The following ARID1A variants were observed in gnomAD, a reference collection of about 807,000 sequenced individuals.
ARID1A encodes the protein AT-rich interaction domain 1A, also known as AT-rich interactive domain-containing protein 1A.
Under a neutral mutation model 212.6 loss-of-function variants are expected in ARID1A, and 20 were observed. The ratio of observed to expected loss-of-function variants is 0.09; its 90% CI spans 0.07 to 0.14. The LOEUF (loss-of-function observed/expected upper bound fraction) is 0.14, where lower values mean the gene tolerates loss of function less well. Among genes scored for constraint, ARID1A ranks in the 10% least tolerant of loss-of-function variants. ARID1A has a pLI of 1.00. For synonymous variants in ARID1A, 1,376 were observed against 1,222.1 expected (o/e 1.13, Z -2.63); for missense variants, 2,587 against 3,059.0 (o/e 0.85, Z 3.64).
At chr1:26,715,851 A>T (rs78533482) in intron 1 of ARID1A, among the ~76,000 whole-genome samples, 2 of 151,846 alleles carry the variant, frequency 1.3e-5, no homozygotes, top group Non-Finnish European at 2.9e-5. Flanking sequence ...AAAAAAAAAA[A>T]CATAAAATAG....
chr1:26,740,394 T>TGAAGTC (rs1222464851), intron 4 of ARID1A, among the ~76,000 whole-genome samples: 1 of 152,220 alleles, frequency 6.6e-6, no homozygotes, highest in Non-Finnish European at 1.5e-5. Flanking sequence ...ACTGATCCAT[T>TGAAGTC]TATGTCTCAA....
chr1:26,721,274 C>A (rs985561493), intron 1 of ARID1A, among the ~76,000 whole-genome samples: 1 of 152,064 alleles, frequency 6.6e-6, no homozygotes, highest in Non-Finnish European at 1.5e-5. Flanking sequence ...TGCAGTGGTG[C>A]GATCTCGGCT....
At chr1:26,712,922 T>G (rs2124766037) in intron 1 of ARID1A, among the ~76,000 whole-genome samples, 1 of 152,352 alleles carries the variant, frequency 6.6e-6, no homozygotes, top group African/African-American at 2.4e-5. Context: ...TCTAATTCAT[T>G]TGGACTTTCT....
chr1:26,779,212 A>G lies in ARID1A; in HGVS notation c.5314A>G (p.Lys1772Glu), dbSNP rs1036772020. 1.5e-5 allele frequency: 24 copies of G among 1,613,478 alleles called. No individual in the cohort carries two copies. The highest frequency in any genetic ancestry group is 1.6e-4 in the Middle Eastern group (1 of 6,084). ...AGAAGAAGAAGAACTTCTAGGTCCT[A>G]AACTAGAAGAGGAAGAAGAAGAGGA... ...GEEEEELLGP[K>E]LEEEEEEEVV... Residue 1772 changes from lysine to glutamate, a missense_variant, in exon 20 of 20, where the codon AAA (lysine) becomes GAA (glutamate). Lys to Glu is a moderately conservative substitution (Grantham distance 56, BLOSUM62 1). Around this residue, in one of 11 missense-constraint regions of ARID1A, gnomAD observed 890 missense variants for 1,098.2 expected, o/e 0.81. Coordinates refer to ENST00000324856, the MANE Select transcript of ARID1A (RefSeq NM_006015.6).
intron 11 of ARID1A, chr1:26,770,181 C>T (rs753856644): frequency 1.3e-5 from 2 of 152,116 alleles, no homozygotes; most frequent in African/African-American, 4.8e-5. Flanking sequence ...TCACTACACT[C>T]GAGCCTGGGT....
chr1:26,744,004 T>C (rs184601260), intron 4 of ARID1A, among the ~76,000 whole-genome samples: 1 of 152,284 alleles, frequency 6.6e-6, no homozygotes, highest in East Asian at 1.9e-4. Context: ...TCTTTATAGC[T>C]GACCATGTAT....
intron 1 of ARID1A, among the ~76,000 whole-genome samples, chr1:26,704,698 A>G: frequency 6.6e-6 from 1 of 152,022 alleles, no homozygotes; most frequent in Non-Finnish European, 1.5e-5. Flanking sequence ...CCATCTTTAC[A>G]AGACACAAAA....
At chr1:26,733,970 G>C (rs1025832941) in intron 4 of ARID1A, among the ~76,000 whole-genome samples, 1 of 152,240 alleles carries the variant, frequency 6.6e-6, no homozygotes, top group Non-Finnish European at 1.5e-5. Context: ...GGTCTGCAGA[G>C]TCCCTTAGTA....
At chr1:26,702,239 T>A (rs892361804) in intron 1 of ARID1A, among the ~76,000 whole-genome samples, 1 of 152,216 alleles carries the variant, frequency 6.6e-6, no homozygotes, top group Non-Finnish European at 1.5e-5. Flanking sequence ...ATTTCATAGG[T>A]GCATTTGTTG....
At chr1:26,746,622 A>C (rs1283507216) in intron 4 of ARID1A, among the ~76,000 whole-genome samples, 1 of 152,112 alleles carries the variant, frequency 6.6e-6, no homozygotes, top group Non-Finnish European at 1.5e-5. Context: ...GGCCAGGCGC[A>C]GTGGCTCACG....
Position 26,771,100 on chromosome 1 carries a change from CT to C in ARID1A, c.3199-16del, listed in dbSNP as rs1570612151. ...CCAGGCGGGAGATATACCTCGACTC[CT>C]TTGGTTTGGTTATACAGGTCAACAA... On this transcript the variant is annotated intron_variant, in intron 11 of 19. Transcript: ENST00000324856. The surrounding 1 kb of genome is among the most constrained non-coding windows in gnomAD (Gnocchi z 5.4). The C allele has an allele frequency of 1.9e-6, 3 of 1,613,710 alleles. No homozygotes were observed. The highest frequency in any genetic ancestry group is 2.5e-6 in the Non-Finnish European group (3 of 1,179,604).
In ARID1A at chr1:26,716,414, G is replaced by C. The variant is rs572249311; in HGVS notation, c.1138-13237G>C. Among the ~76,000 whole-genome samples the C allele has an allele frequency of 3.3e-5, 5 of 152,252 alleles. No homozygotes were observed. In the South Asian group the frequency reaches 1.0e-3, roughly 32 times the overall value. ...AGCACAAATAACTGTAGTTACAGTTGTAATAAATGCATTGGAGAACAACAC... is the reference window on the plus strand; with the variant it reads ...AGCACAAATAACTGTAGTTACAGTTCTAATAAATGCATTGGAGAACAACAC... On this transcript the variant is annotated intron_variant, in intron 1 of 19. Coordinates refer to ENST00000324856, the MANE Select transcript of ARID1A (RefSeq NM_006015.6).
rs1010549686 is a variant in ARID1A, at chr1:26,781,656, A to G, written c.*900A>G. On this transcript the variant is annotated 3_prime_UTR_variant, in exon 20 of 20. Transcript: ENST00000324856. ...ATTGCACATACCCTTGGATCCCCACAGTTTGGTCCTCCTCCCAGCTACCCC... is the reference window on the plus strand; with the variant it reads ...ATTGCACATACCCTTGGATCCCCACGGTTTGGTCCTCCTCCCAGCTACCCC... The G allele has an allele frequency of 1.3e-5, 3 of 233,596 alleles. No homozygotes were observed. The highest frequency in any genetic ancestry group is 6.6e-5 in the African/African-American group (3 of 45,326). 14.5% of individuals were successfully genotyped at this position (233,596 alleles called of 1,614,324 possible). A position where few individuals can be genotyped will look rare whatever the true frequency, so the allele number is the denominator to read the frequency against.
At chr1:26,770,476 G>A (rs1156915524) in intron 11 of ARID1A, 1 of 152,080 alleles carries the variant, frequency 6.6e-6, no homozygotes, top group African/African-American at 2.4e-5. Flanking sequence ...TAGGATTTAG[G>A]GCCAGGCGCG....
chr1:26,713,721 T>C (rs1261186123), intron 1 of ARID1A, among the ~76,000 whole-genome samples: 4 of 152,236 alleles, frequency 2.6e-5, no homozygotes, highest in Non-Finnish European at 5.9e-5. Context: ...GAAATGTCTA[T>C]GTCTGATTAA....
At chr1:26,730,499 C>G (rs2080664010) in intron 2 of ARID1A, among the ~76,000 whole-genome samples, 1 of 152,158 alleles carries the variant, frequency 6.6e-6, no homozygotes, top group African/African-American at 2.4e-5. Context: ...ACAAATTTTA[C>G]TTCTAAGACT....
intron 11 of ARID1A, 123 bp downstream of exon 11, chr1:26,768,122 G>A (rs1261316950): frequency 9.0e-7 from 1 of 1,112,336 alleles, no homozygotes; most frequent in African/African-American, 1.6e-5. Flanking sequence ...CGCTTTCTGA[G>A]TCTAATATTG....
rs2080254104 is a variant in ARID1A at position 26,696,466 on chromosome 1, C to T, written c.63C>T (p.Pro21=). ...SSLGNPPPPP[P]SELKKAEQQQ... ...TGGGCAACCCGCCGCCGCCGCCGCC[C>T]TCGGAGCTGAAGAAAGCCGAGCAGC... is the stretch of plus-strand genomic sequence containing the variant. Residue 21 remains proline, a synonymous_variant, in exon 1 of 20, where the codon CCC becomes CCT. Transcript: ENST00000324856. 3.1e-6 allele frequency: 4 copies of T among 1,285,012 alleles called. No homozygotes were observed. Among genetic ancestry groups the T allele is most frequent in the Non-Finnish European group, 3.9e-6 (4 of 1,018,592 alleles). 79.6% of individuals were successfully genotyped at this position (1,285,012 alleles called of 1,614,324 possible).
In ARID1A at chr1:26,697,324, C is replaced by T. The variant is rs1486692861; in HGVS notation, c.921C>T (p.Gly307=). 1 of 1,339,992 alleles carries T rather than the reference C, an allele frequency of 7.5e-7. No individual in the cohort carries two copies. The highest frequency in any genetic ancestry group is 3.1e-5 in the East Asian group (1 of 32,640). 83.0% of individuals were successfully genotyped at this position (1,339,992 alleles called of 1,614,324 possible). A position where few individuals can be genotyped will look rare whatever the true frequency, so the allele number is the denominator to read the frequency against. ...QLLTSPSSAR[G]YQGYPGGDYS... is the part of the protein sequence containing the mutation. ...TCACGTCGCCCAGCTCGGCCCGGGG[C>T]TACCAGGGCTACCCCGGGGGCGACT... The change falls in exon 1 of 20, where the codon GGC becomes GGT. Residue 307 remains glycine, a synonymous_variant. Transcript: ENST00000324856.
Sources: allele counts gnomAD v4.1 joint callset (sites outside exome capture counted in the v4.1 genomes callset), GRCh38; gene constraint gnomAD v4.1.1; regional missense constraint gnomAD v4.1.1; non-coding constraint Gnocchi (gnomAD v3.1); transcripts MANE v1.5; gene names NCBI Gene and HGNC (gene_info 2026-07-23, HGNC 2026-07-21).